Variants in TAB2 observed in about 807,000 individuals in gnomAD.
TAB2 encodes the protein TGF-beta-activated kinase 1 and MAP3K7-binding protein 2.
Under a neutral mutation model 65.0 loss-of-function variants are expected in TAB2, and 3 were observed. The observed-to-expected ratio is 0.05, with a 90% CI of 0.02 to 0.12. The LOEUF is 0.12. TAB2 is among the 10% of genes least tolerant of loss of function. The pLI is 1.00. For synonymous variants in TAB2, 298 were observed against 285.1 expected (o/e 1.05, Z -0.46); for missense variants, 623 against 840.3 (o/e 0.74, Z 3.20).
At chr6:149,225,991 A>T (rs1222104562) in intron 1 of TAB2, among the ~76,000 whole-genome samples, 1 of 152,048 alleles carries the variant, frequency 6.6e-6, no homozygotes, top group Non-Finnish European at 1.5e-5. Flanking sequence ...AAGGGGCTTG[A>T]GTCCCACTGA....
chr6:149,256,794 T>A (rs1778046263), intron 1 of TAB2, among the ~76,000 whole-genome samples: 1 of 152,182 alleles, frequency 6.6e-6, no homozygotes, highest in South Asian at 2.1e-4. Context: ...ATATTAGAGT[T>A]TTCATTACTC....
chr6:149,279,885 T>C (rs2114684309), intron 1 of TAB2, among the ~76,000 whole-genome samples: 1 of 152,328 alleles, frequency 6.6e-6, no homozygotes, highest in East Asian at 1.9e-4. Flanking sequence ...CTCATCTCAA[T>C]GATACCACCA....
intron 6 of TAB2, among the ~76,000 whole-genome samples, chr6:149,399,980 G>C (rs1782316336): frequency 6.6e-6 from 1 of 152,138 alleles, no homozygotes; most frequent in Non-Finnish European, 1.5e-5. Context: ...AAATAGAAGA[G>C]TATAACCAAA....
At chr6:149,362,119 A>G (rs1473611919) in intron 1 of TAB2, among the ~76,000 whole-genome samples, 1 of 152,202 alleles carries the variant, frequency 6.6e-6, no homozygotes, top group Middle Eastern at 3.2e-3. Flanking sequence ...CCTGTTACCC[A>G]GTTCCCAAGT....
At chr6:149,319,410 G>C (rs985785856) in intron 1 of TAB2, among the ~76,000 whole-genome samples, 2 of 152,166 alleles carry the variant, frequency 1.3e-5, no homozygotes, top group African/African-American at 4.8e-5. Context: ...TGTAATAAAG[G>C]AAGACTTGCT....
intron 1 of TAB2, among the ~76,000 whole-genome samples, chr6:149,306,455 CAGA>C (rs1779072468): frequency 6.6e-6 from 1 of 150,650 alleles, no homozygotes; most frequent in East Asian, 2.0e-4. Flanking sequence ...GAGGCTGAGG[CAGA>C]AGAATGGCCT....
chr6:149,325,277 C>T (rs1779566509), intron 1 of TAB2, among the ~76,000 whole-genome samples: 1 of 152,160 alleles, frequency 6.6e-6, no homozygotes, highest in Non-Finnish European at 1.5e-5. Flanking sequence ...ACCTACCTTA[C>T]ATAGAACAGG....
chr6:149,304,021 C>G (rs2114705704), intron 1 of TAB2: 1 of 152,370 alleles, frequency 6.6e-6, no homozygotes, highest in East Asian at 1.9e-4. Flanking sequence ...TGGAAACTTT[C>G]TTTCTAATTT....
intron 1 of TAB2, among the ~76,000 whole-genome samples, chr6:149,233,750 T>C (rs1409248102): frequency 1.3e-5 from 2 of 152,258 alleles, no homozygotes; most frequent in Admixed American, 6.5e-5. Flanking sequence ...ATCTATTCAA[T>C]TGGTGCAAAA....
At chr6:149,317,329 C>T (rs1158372826), upstream of TAB2, among the ~76,000 whole-genome samples, 3 of 152,090 alleles carry the variant, frequency 2.0e-5, no homozygotes, top group South Asian at 4.1e-4. The surrounding 1 kb of genome is among the most constrained non-coding windows in gnomAD (Gnocchi z 4.7). Flanking sequence ...CGCGTCCTCC[C>T]TCCAGCCCTA....
chr6:149,324,537 C>G (rs1310150557), intron 1 of TAB2, among the ~76,000 whole-genome samples: 2 of 152,026 alleles, frequency 1.3e-5, no homozygotes, highest in African/African-American at 4.8e-5. Context: ...AGTTTGCTTC[C>G]TGTCAGTTTG....
rs1219127597 is a variant in TAB2 at position 149,258,863 on chromosome 6, G to A, written c.-121+40087G>A. On this transcript the variant is annotated intron_variant, in intron 1 of 1. Coordinates refer to the TAB2 transcript ENST00000606202. ...GACTTTAAAGTAGGGAGATTATTCT[G>A]GATGATTCTGGACCAGTGTTAGCAC... Among the ~76,000 whole-genome samples the A allele has an allele frequency of 2.0e-5, 3 of 152,194 alleles. No homozygotes were observed. The East Asian group carries it at 5.8e-4, about 29-fold the overall frequency.
At chr6:149,224,272 G>A (rs1347118123) in intron 1 of TAB2, among the ~76,000 whole-genome samples, 1 of 152,190 alleles carries the variant, frequency 6.6e-6, no homozygotes, top group Non-Finnish European at 1.5e-5. Flanking sequence ...TTGCATTTAA[G>A]TATTATCTTA....
chr6:149,353,942 C>G (rs1033682996), intron 1 of TAB2, among the ~76,000 whole-genome samples: 2 of 151,856 alleles, frequency 1.3e-5, no homozygotes, highest in Non-Finnish European at 2.9e-5. Flanking sequence ...GTTTTTTAAC[C>G]CACTAAAACT....
intron 1 of TAB2, among the ~76,000 whole-genome samples, chr6:149,271,736 C>A (rs1286191281): frequency 1.3e-5 from 2 of 152,130 alleles, no homozygotes; most frequent in African/African-American, 4.8e-5. Context: ...CATAGCAGTC[C>A]AGCATAGAGA....
intron 3 of TAB2, among the ~76,000 whole-genome samples, chr6:149,383,178 G>T (rs1175767169): frequency 6.6e-6 from 1 of 151,738 alleles, no homozygotes; most frequent in African/African-American, 2.4e-5. Flanking sequence ...GAAAAAAAAA[G>T]GAAAGAAAGA....
chr6:149,227,983 T>C (rs1296574750), intron 1 of TAB2, among the ~76,000 whole-genome samples: 1 of 152,092 alleles, frequency 6.6e-6, no homozygotes, highest in Non-Finnish European at 1.5e-5. Context: ...AAAATGTCTA[T>C]AGTCACCTCA....
intron 1 of TAB2, among the ~76,000 whole-genome samples, chr6:149,286,063 T>G (rs1778671618): frequency 6.6e-6 from 1 of 152,190 alleles, no homozygotes; most frequent in South Asian, 2.1e-4. Context: ...TTCTTTAAAA[T>G]AATTTATTCT....
At chr6:149,305,052 T>C (rs2114706621) in intron 1 of TAB2, among the ~76,000 whole-genome samples, 1 of 152,344 alleles carries the variant, frequency 6.6e-6, no homozygotes, top group African/African-American at 2.4e-5. Context: ...ATTATTATAT[T>C]GTTACTTTTT....
Sources: allele counts gnomAD v4.1 joint callset (sites outside exome capture counted in the v4.1 genomes callset), GRCh38; gene constraint gnomAD v4.1.1; non-coding constraint Gnocchi (gnomAD v3.1); transcripts MANE v1.5; gene names NCBI Gene and HGNC (gene_info 2026-07-23, HGNC 2026-07-21).